Variants in DTX4 observed in about 807,000 individuals in gnomAD.
DTX4 encodes the protein deltex E3 ubiquitin ligase 4, also known as E3 ubiquitin-protein ligase DTX4.
A neutral mutation model predicts 57.6 loss-of-function variants in DTX4; 28 were observed. The ratio of observed to expected loss-of-function variants is 0.49; its 90% CI spans 0.36 to 0.67. DTX4 has a LOEUF of 0.67. Ranked by LOEUF, DTX4 falls within the 30% of genes least tolerant of loss-of-function variation. The probability of loss-of-function intolerance (pLI) is 0.00; values close to 1 mark genes in which losing one functional copy is unlikely to be tolerated. For missense variants in DTX4, 715 were observed against 836.8 expected (o/e 0.85, Z 1.80); for synonymous variants, 316 against 331.0 (o/e 0.95, Z 0.49).
intron 6 of DTX4, among the ~76,000 whole-genome samples, chr11:59,192,846 C>T (rs1299724328): frequency 6.6e-6 from 1 of 152,182 alleles, no homozygotes; most frequent in Non-Finnish European, 1.5e-5. Context: ...CTTGTCTTGT[C>T]TATTATCTGA....
At chr11:59,176,726 GT>G (rs1245217200) in intron 1 of DTX4, among the ~76,000 whole-genome samples, 1 of 152,220 alleles carries the variant, frequency 6.6e-6, no homozygotes, top group Non-Finnish European at 1.5e-5. Flanking sequence ...AAGCTGAAAG[GT>G]TTTGGGTGCT....
intron 4 of DTX4, 23 bp downstream of exon 4, chr11:59,189,346 G>T: frequency 4.6e-6 from 7 of 1,507,358 alleles, no homozygotes; most frequent in Non-Finnish European, 6.2e-6. Flanking sequence ...TGTCTCGTGG[G>T]GTACTGAGAG....
In DTX4 at chr11:59,182,338, A is replaced by G. The variant is rs1349622513; in HGVS notation, c.811A>G (p.Met271Val). 1.9e-6 allele frequency: 3 copies of G among 1,613,128 alleles called. No individual in the cohort carries two copies. Among genetic ancestry groups the G allele is most frequent in the East Asian group, 4.5e-5 (2 of 44,864 alleles). Residue 271 changes from methionine to valine, a missense_variant, in exon 2 of 9, where the codon ATG becomes GTG. By Grantham distance (21) the Met-to-Val change is conservative. Transcript: ENST00000227451. ...CTCCAGCATGCCCACTGGGACAACC[A>G]TGGGCTCTCCTGCCAGTCCCCCAGG... ...QASSMPTGTTMGSPASPPGPN... is the reference protein window; with the variant it reads ...QASSMPTGTTVGSPASPPGPN...
chr11:59,195,854 G>A (rs1473016220), intron 7 of DTX4, among the ~76,000 whole-genome samples: 1 of 152,224 alleles, frequency 6.6e-6, no homozygotes, highest in African/African-American at 2.4e-5. Flanking sequence ...GTACACATGT[G>A]AATATATCTG....
rs771471197 is a variant in DTX4, at chr11:59,195,250, G to A, written c.1417G>A (p.Val473Met). Residue 473 changes from valine to methionine, a missense_variant, in exon 7 of 9, where the codon GTG (valine) becomes ATG (methionine). Val to Met is a conservative substitution (Grantham distance 21). Coordinates refer to ENST00000227451, the MANE Select transcript of DTX4 (RefSeq NM_015177.2). ...QCPTCKTIYG[V>M]KTGTQPPGKM... ...TCCAACCTGCAAGACCATTTATGGG[G>A]TGAAGACAGGCACCCAACCTCCAGG... is the stretch of plus-strand genomic sequence containing the variant. 3 of 1,613,836 alleles carry A rather than the reference G, an allele frequency of 1.9e-6. No individual in the cohort carries two copies. Among genetic ancestry groups the A allele is most frequent in the Admixed American group, 1.7e-5 (1 of 59,990 alleles).
At chr11:59,191,789 CTTG>C (rs1862602178) in intron 5 of DTX4, among the ~76,000 whole-genome samples, 1 of 152,180 alleles carries the variant, frequency 6.6e-6, no homozygotes, top group South Asian at 2.1e-4. Context: ...CCTCAGTGGG[CTTG>C]TTGACAGTAT....
rs2135528350 is a variant in DTX4 at position 59,204,979 on chromosome 11, T to C, written c.*70T>C. 2.9e-6 allele frequency: 4 copies of C among 1,402,854 alleles called. No homozygotes were observed. The African/African-American group carries it at 4.3e-5, about 15-fold the overall frequency. The allele number at this position is 1,402,854 out of a possible 1,614,324, so 86.9% of individuals were successfully genotyped here. A position where few individuals can be genotyped will look rare whatever the true frequency, so the allele number is the denominator to read the frequency against. ...ACAGGAAGTGAGGAGAGTGAGTCAA[T>C]GTAGAAGAAGTTGGTGTCCTGCCCT... On this transcript the variant is annotated 3_prime_UTR_variant, in exon 9 of 9. Coordinates refer to ENST00000227451, the MANE Select transcript of DTX4 (RefSeq NM_015177.2).
chr11:59,189,361 A>C, intron 4 of DTX4, 38 bp downstream of exon 4: 1 of 1,492,900 alleles, frequency 6.7e-7, no homozygotes, highest in Non-Finnish European at 9.0e-7. Context: ...TGAGAGTCAA[A>C]GACTTGGCTG....
chr11:59,172,554 C>G lies in DTX4; in HGVS notation c.-42C>G. On this transcript the variant is annotated 5_prime_UTR_variant, in exon 1 of 9. Transcript: ENST00000227451. ...AGCGGAGGAGGTCGGGCGCTCGGGG[C>G]CCGGGAGGCGGGCCGCGCAGCGCCG... 7.8e-7 allele frequency: 1 copy of G among 1,287,880 alleles called. No individual in the cohort carries two copies. Among genetic ancestry groups the G allele is most frequent in the Non-Finnish European group, 9.9e-7 (1 of 1,011,584 alleles). The allele number at this position is 1,287,880 out of a possible 1,614,324, so 79.8% of individuals were successfully genotyped here.
Position 59,206,257 on chromosome 11 carries a change from G to C in DTX4, c.*1348G>C, listed in dbSNP as rs1199792122. The C allele has an allele frequency of 1.3e-5, 2 of 152,450 alleles. No individual in the cohort carries two copies. The highest frequency in any genetic ancestry group is 4.8e-5 in the African/African-American group (2 of 41,378). The allele number at this position is 152,450 out of a possible 1,614,324, so 9.4% of individuals were successfully genotyped here. A position where few individuals can be genotyped will look rare whatever the true frequency, so the allele number is the denominator to read the frequency against. On this transcript the variant is annotated 3_prime_UTR_variant, in exon 9 of 9. Coordinates refer to ENST00000227451, the MANE Select transcript of DTX4 (RefSeq NM_015177.2). ...GAATCTCTTTAGCTCATTCCTAATG[G>C]AGTTGGGATCACAATATGGTCTGGT...
intron 1 of DTX4, among the ~76,000 whole-genome samples, chr11:59,177,560 T>C (rs1038230853): frequency 1.3e-5 from 2 of 152,190 alleles, no homozygotes; most frequent in African/African-American, 4.8e-5. Flanking sequence ...TAGTCTGACA[T>C]TTCAGACCTT....
At chr11:59,188,855 G>C in intron 3 of DTX4, 59 bp downstream of exon 3, 1 of 1,454,208 alleles carries the variant, frequency 6.9e-7, no homozygotes, top group Non-Finnish European at 9.6e-7. Flanking sequence ...GATGAAATAG[G>C]TCATGAGCAT....
intron 7 of DTX4, among the ~76,000 whole-genome samples, chr11:59,196,113 A>C (rs904739668): frequency 1.3e-5 from 2 of 152,176 alleles, no homozygotes; most frequent in African/African-American, 4.8e-5. Context: ...AGCAAATATT[A>C]ATTCTTCTAT....
chr11:59,185,566 A>C (rs1380087242), intron 2 of DTX4, among the ~76,000 whole-genome samples: 2 of 152,046 alleles, frequency 1.3e-5, no homozygotes, highest in African/African-American at 4.8e-5. Context: ...GTTTTCTAGG[A>C]GAGCTCAGGC....
At position 59,187,458 on chromosome 11, in the gene DTX4, G is replaced by A. The variant is rs372847429; in HGVS notation, c.936-1277G>A. On this transcript the variant is annotated intron_variant, in intron 2 of 8. Transcript: ENST00000227451. Reference sequence around the variant, plus strand: ...GTAACTGTAACATGTGAGTGAAGAAGGGCCATGAGCCATGTGTTCACTGCT... The same window carrying A: ...GTAACTGTAACATGTGAGTGAAGAAAGGCCATGAGCCATGTGTTCACTGCT... 6.6e-4 allele frequency among the ~76,000 whole-genome samples: 100 copies of A among 152,346 alleles called. 1 individual carries two copies. The highest frequency in any genetic ancestry group is 4.6e-3 in the South Asian group (22 of 4,834).
intron 1 of DTX4, among the ~76,000 whole-genome samples, chr11:59,175,098 C>T (rs1003030488): frequency 3.9e-5 from 6 of 152,200 alleles, no homozygotes; most frequent in Non-Finnish European, 2.9e-5. Context: ...CTCATAGTTC[C>T]TCTCAATCTC....
chr11:59,192,632 G>A (rs931270720), intron 6 of DTX4, among the ~76,000 whole-genome samples: 2 of 152,206 alleles, frequency 1.3e-5, no homozygotes, highest in African/African-American at 2.4e-5. Flanking sequence ...CCCATGGTGA[G>A]TATTCGTTCA....
rs138042892 is a variant in DTX4, at chr11:59,206,997, G to A, written c.*2088G>A. ...AACTAAATGGAAGAGACATCCCTGC[G>A]GTGTTTAATATCACACCCATGCCCT... On this transcript the variant is annotated 3_prime_UTR_variant, in exon 9 of 9. Coordinates refer to ENST00000227451, the MANE Select transcript of DTX4 (RefSeq NM_015177.2). 2 of 152,250 alleles carry A rather than the reference G, an allele frequency of 1.3e-5. No individual in the cohort carries two copies. The highest frequency in any genetic ancestry group is 1.9e-4 in the East Asian group (1 of 5,186). 9.4% of individuals were successfully genotyped at this position (152,250 alleles called of 1,614,324 possible). A position where few individuals can be genotyped will look rare whatever the true frequency, so the allele number is the denominator to read the frequency against.
In DTX4 at chr11:59,191,946, G is replaced by A. The variant is rs541506659; in HGVS notation, c.1222-152G>A. Among the ~76,000 whole-genome samples, 6 of 152,292 alleles carry A rather than the reference G, an allele frequency of 3.9e-5. No individual in the cohort carries two copies. The East Asian group carries it at 5.8e-4, about 15-fold the overall frequency. On this transcript the variant is annotated intron_variant, in intron 5 of 8. Transcript: ENST00000227451. ...GGACGTTGTTGTGTAAAGACAAAAC[G>A]ATATTTAGATTCCAGAAAGCACTTA...
Sources: gnomAD v4.1 joint callset for allele counts (sites outside exome capture counted in the v4.1 genomes callset) on GRCh38, gnomAD v4.1.1 for gene constraint, MANE v1.5 for transcripts, NCBI Gene and HGNC (gene_info 2026-07-23, HGNC 2026-07-21) for gene names.